The following DGKB variants were observed in gnomAD, a reference collection of about 807,000 sequenced individuals.
DGKB encodes the protein 90 kDa diacylglycerol kinase.
Under a neutral mutation model 114.3 loss-of-function variants are expected in DGKB, and 67 were observed. The ratio of observed to expected loss-of-function variants is 0.59; its 90% CI spans 0.48 to 0.72. DGKB has a LOEUF of 0.72. DGKB is among the 30% of genes least tolerant of loss of function. DGKB has a pLI of 0.00. For synonymous variants in DGKB, 398 were observed against 323.1 expected, an observed-to-expected ratio of 1.23 and a Z score of -2.49; for missense variants, 907 against 975.2, an observed-to-expected ratio of 0.93 and a Z score of 0.93.
intron 2 of DGKB, among the ~76,000 whole-genome samples, chr7:14,822,200 C>T (rs1050889551): frequency 3.3e-5 from 5 of 152,006 alleles, no homozygotes; most frequent in African/African-American, 1.2e-4. Flanking sequence ...TTATTCAAAC[C>T]TGAAATTGAG....
At chr7:14,787,390 A>C (rs1435474889) in intron 2 of DGKB, among the ~76,000 whole-genome samples, 1 of 152,184 alleles carries the variant, frequency 6.6e-6, no homozygotes, top group Non-Finnish European at 1.5e-5. Flanking sequence ...AAACAGAATA[A>C]AAAGCCTTTT....
intron 2 of DGKB, among the ~76,000 whole-genome samples, chr7:14,831,561 C>A (rs1330929323): frequency 3.3e-5 from 5 of 151,946 alleles, no homozygotes; most frequent in African/African-American, 1.2e-4. Flanking sequence ...CAGATGTGAC[C>A]TGGCCCTTTT....
Position 14,573,463 on chromosome 7 carries a change from A to G in DGKB, c.1770+749T>C, listed in dbSNP as rs545732397. Among the ~76,000 whole-genome samples the G allele has an allele frequency of 5.1e-3, 657 of 128,702 alleles. 6 individuals are homozygous for G. The highest frequency in any genetic ancestry group is 0.02 in the African/African-American group (632 of 31,550). The allele number at this position is 128,702 out of a possible 152,430, so 84.4% of individuals were successfully genotyped here. On this transcript the variant is annotated intron_variant, in intron 20 of 25. Coordinates refer to ENST00000402815, the MANE Select transcript of DGKB (RefSeq NM_001350709.2). ...TATTCTACTAGCCTTTTTATAATCT[A>G]TCTCTGTGTGTGTGTGTGTGTGTGT...
chr7:14,866,949 T>C (rs1408838557), intron 1 of DGKB, among the ~76,000 whole-genome samples: 2 of 152,230 alleles, frequency 1.3e-5, no homozygotes, highest in Non-Finnish European at 2.9e-5. Context: ...AATATCTCAC[T>C]GATGTTTAAT....
intron 23 of DGKB, among the ~76,000 whole-genome samples, chr7:14,323,559 T>G (rs1808199843): frequency 6.6e-6 from 1 of 152,204 alleles, no homozygotes; most frequent in Non-Finnish European, 1.5e-5. Flanking sequence ...TGACCTGTTT[T>G]CAGTGACCTG....
chr7:14,847,632 A>G (rs1848819626), intron 1 of DGKB, among the ~76,000 whole-genome samples: 1 of 152,232 alleles, frequency 6.6e-6, no homozygotes, highest in South Asian at 2.1e-4. Context: ...TTTAGGGGGA[A>G]AGAGCTACAA....
intron 23 of DGKB, among the ~76,000 whole-genome samples, chr7:14,314,600 T>C (rs1197999627): frequency 2.6e-5 from 4 of 151,928 alleles, no homozygotes; most frequent in Non-Finnish European, 5.9e-5. Context: ...TAAAAAGAAA[T>C]GAGCAAAGCC....
At chr7:14,269,480 AC>A (rs1293247363) in intron 23 of DGKB, among the ~76,000 whole-genome samples, 1 of 152,208 alleles carries the variant, frequency 6.6e-6, no homozygotes, top group Non-Finnish European at 1.5e-5. Flanking sequence ...TAACTAGTGA[AC>A]ATTTTGCTGC....
intron 21 of DGKB, among the ~76,000 whole-genome samples, chr7:14,459,787 CAT>C (rs1832803826): frequency 6.6e-6 from 1 of 152,108 alleles, no homozygotes; most frequent in Admixed American, 6.5e-5. Context: ...CCCCAAGACA[CAT>C]AATCTTCAGA....
rs529136483 is a variant in DGKB at position 14,203,722 on chromosome 7, T to C, written c.2123-25571A>G. ...CTGGGGCCATGGAAAACATCATGAGTATGATGGAAATGTAAAGAGTTTGTT... is the reference window on the plus strand; with the variant it reads ...CTGGGGCCATGGAAAACATCATGAGCATGATGGAAATGTAAAGAGTTTGTT... On this transcript the variant is annotated intron_variant, in intron 23 of 25. Transcript: ENST00000402815. 9.2e-5 allele frequency among the ~76,000 whole-genome samples: 14 copies of C among 151,992 alleles called. No homozygotes were observed. The South Asian group carries it at 2.9e-3, about 31-fold the overall frequency.
chr7:14,324,596 T>C (rs1434683450), intron 23 of DGKB, among the ~76,000 whole-genome samples: 1 of 152,056 alleles, frequency 6.6e-6, no homozygotes, highest in Non-Finnish European at 1.5e-5. Context: ...GCAATGTCAT[T>C]TGCGGTGATG....
intron 2 of DGKB, among the ~76,000 whole-genome samples, chr7:14,823,519 G>A (rs1845235893): frequency 6.6e-6 from 1 of 152,030 alleles, no homozygotes; most frequent in African/African-American, 2.4e-5. Context: ...TGGGAAAACT[G>A]AGAGAACTAA....
intron 17 of DGKB, among the ~76,000 whole-genome samples, chr7:14,584,466 T>C (rs899352136): frequency 3.3e-5 from 5 of 152,116 alleles, no homozygotes; most frequent in Admixed American, 6.6e-5. Context: ...ACACTACATA[T>C]GAACAACTTT....
At chr7:14,557,857 ATTAT>A (rs1183736968) in intron 20 of DGKB, among the ~76,000 whole-genome samples, 3 of 151,598 alleles carry the variant, frequency 2.0e-5, no homozygotes, top group Admixed American at 6.6e-5. Context: ...TTACATATTT[ATTAT>A]TTATTATGGT....
Position 14,586,401 on chromosome 7 carries a change from G to C in DGKB, c.1434-3264C>G, listed in dbSNP as rs1395718549. ...ATGTGAGGAAGCTGAAAAATAGTTTGATGCAAGCAGATGTTGGTTCTTGAA... is the reference window on the plus strand; with the variant it reads ...ATGTGAGGAAGCTGAAAAATAGTTTCATGCAAGCAGATGTTGGTTCTTGAA... On this transcript the variant is annotated intron_variant, in intron 17 of 25. Transcript: ENST00000402815. Among the ~76,000 whole-genome samples, 4 of 152,036 alleles carry C rather than the reference G, an allele frequency of 2.6e-5. No homozygotes were observed. In the East Asian group the frequency reaches 5.8e-4, roughly 22 times the overall value.
At chr7:14,357,960 T>C (rs1018868674) in intron 21 of DGKB, among the ~76,000 whole-genome samples, 5 of 152,206 alleles carry the variant, frequency 3.3e-5, no homozygotes, top group Non-Finnish European at 5.9e-5. Context: ...CAGAGAGATC[T>C]GCTGTTAGTC....
chr7:14,762,180 T>C (rs1270678395), intron 2 of DGKB, among the ~76,000 whole-genome samples: 1 of 152,138 alleles, frequency 6.6e-6, no homozygotes, highest in Admixed American at 6.6e-5. Context: ...GTACTGAGCA[T>C]GAAAGCGGGA....
In DGKB at chr7:14,146,277, T is replaced by A. The variant is rs944000211; in HGVS notation, c.*2854A>T. 1 of 152,198 alleles carries A rather than the reference T, an allele frequency of 6.6e-6. No homozygotes were observed. The highest frequency in any genetic ancestry group is 2.4e-5 in the African/African-American group (1 of 41,456). The allele number at this position is 152,198 out of a possible 1,614,324, so 9.4% of individuals were successfully genotyped here. A position where few individuals can be genotyped will look rare whatever the true frequency, so the allele number is the denominator to read the frequency against. ...TCTTAGAAGCGTGGATATCAAGGTTTACTCTGAAATGTCTCTCTGGAATCT... is the reference window on the plus strand; with the variant it reads ...TCTTAGAAGCGTGGATATCAAGGTTAACTCTGAAATGTCTCTCTGGAATCT... On this transcript the variant is annotated 3_prime_UTR_variant, in exon 26 of 26. Coordinates refer to ENST00000402815, the MANE Select transcript of DGKB (RefSeq NM_001350709.2).
chr7:14,688,139 C>A (rs763312694), intron 9 of DGKB, among the ~76,000 whole-genome samples: 2 of 151,996 alleles, frequency 1.3e-5, no homozygotes, highest in Non-Finnish European at 2.9e-5. Flanking sequence ...TTACTTAGAT[C>A]GTAAACTTAA....
Sources: allele counts gnomAD v4.1 joint callset (sites outside exome capture counted in the v4.1 genomes callset), GRCh38; gene constraint gnomAD v4.1.1; transcripts MANE v1.5; gene names NCBI Gene and HGNC (gene_info 2026-07-23, HGNC 2026-07-21).